Variants in FBXL13 observed in about 807,000 individuals in gnomAD.
The protein encoded by FBXL13 is F-box and leucine-rich repeat protein 13.
A neutral mutation model predicts 83.6 loss-of-function variants in FBXL13; 67 were observed. That is an observed-to-expected ratio of 0.80 (90% CI 0.66 to 0.98). The LOEUF is 0.98. Among genes scored for constraint, FBXL13 ranks in the 50% least tolerant of loss-of-function variants. FBXL13 has a pLI of 0.00. For missense variants in FBXL13, 822 were observed against 866.5 expected (o/e 0.95, Z 0.64); for synonymous variants, 272 against 299.5 (o/e 0.91, Z 0.95).
At chr7:102,838,289 G>C (rs1226331570) in intron 17 of FBXL13, among the ~76,000 whole-genome samples, 1 of 152,166 alleles carries the variant, frequency 6.6e-6, no homozygotes, top group Non-Finnish European at 1.5e-5. Flanking sequence ...CTACTTCATA[G>C]AGTTGTTGGG....
intron 18 of FBXL13, among the ~76,000 whole-genome samples, chr7:102,829,039 C>T (rs1173373321): frequency 1.3e-5 from 2 of 152,190 alleles, no homozygotes; most frequent in African/African-American, 4.8e-5. Context: ...AGGCTCTGTT[C>T]CAGTTCCCCC....
At position 103,005,594 on chromosome 7, in the gene FBXL13, T is replaced by C. The variant is rs556828039; in HGVS notation, c.495+19469A>G. Among the ~76,000 whole-genome samples, 5 of 152,326 alleles carry C rather than the reference T, an allele frequency of 3.3e-5. 1 individual carries two copies. The highest frequency in any genetic ancestry group is 1.2e-4 in the African/African-American group (5 of 41,584). On this transcript the variant is annotated intron_variant, in intron 6 of 19. Transcript: ENST00000313221. The stretch of plus-strand genomic sequence containing the variant: ...AATTCCTTTCTTGCTGTGGGCCCTC[T>C]TCCTGATTTGCAGAAAGCCACCTTC...
chr7:102,869,196 AT>A (rs1189299739), intron 16 of FBXL13, among the ~76,000 whole-genome samples: 1 of 152,192 alleles, frequency 6.6e-6, no homozygotes, highest in African/African-American at 2.4e-5. Flanking sequence ...GCAATAGCTC[AT>A]TGCAGTTTTG....
intron 11 of FBXL13, among the ~76,000 whole-genome samples, chr7:102,910,472 G>A (rs1814478860): frequency 6.6e-6 from 1 of 151,726 alleles, no homozygotes; most frequent in South Asian, 2.1e-4. Flanking sequence ...CTCTCAGCCT[G>A]GTGTGTGCTT....
At chr7:102,861,533 G>A (rs192713988) in intron 16 of FBXL13, among the ~76,000 whole-genome samples, 91 of 152,192 alleles carry the variant, frequency 6.0e-4, no homozygotes, top group African/African-American at 1.7e-3. Flanking sequence ...GACTACCATA[G>A]ATCTCTTTAT....
intron 8 of FBXL13, among the ~76,000 whole-genome samples, chr7:102,932,315 C>T (rs1386723178): frequency 6.6e-6 from 1 of 152,136 alleles, no homozygotes; most frequent in African/African-American, 2.4e-5. Context: ...CAAACATACA[C>T]AAAAGTGGAA....
At position 102,889,971 on chromosome 7, in the gene FBXL13, A is replaced by G. The variant is rs557604408; in HGVS notation, c.1009-5659T>C. On this transcript the variant is annotated intron_variant, in intron 11 of 19. Transcript: ENST00000313221. Reference sequence around the variant, plus strand: ...ACAACACAGCCCAAAACTTGATGCTATCAACCAATAAGATTAGTATCCAGA... The same window carrying G: ...ACAACACAGCCCAAAACTTGATGCTGTCAACCAATAAGATTAGTATCCAGA... Among the ~76,000 whole-genome samples, 5 of 151,776 alleles carry G rather than the reference A, an allele frequency of 3.3e-5. 2 individuals are homozygous for G. In the South Asian group the frequency reaches 1.0e-3, roughly 32 times the overall value.
chr7:102,907,159 G>A lies in FBXL13; in HGVS notation c.1008+5927C>T, dbSNP rs533127374. Reference sequence around the variant, plus strand: ...GGCTAATTTTTATATTTTTAGTAAAGACAGGGTTTCACCATGTTGGCCAGG... The same window carrying A: ...GGCTAATTTTTATATTTTTAGTAAAAACAGGGTTTCACCATGTTGGCCAGG... On this transcript the variant is annotated intron_variant, in intron 11 of 19. Transcript: ENST00000313221. 1.8e-4 allele frequency among the ~76,000 whole-genome samples: 27 copies of A among 152,118 alleles called. 1 individual carries two copies. In the East Asian group the frequency reaches 5.0e-3, roughly 28 times the overall value.
intron 10 of FBXL13, among the ~76,000 whole-genome samples, chr7:102,919,445 C>T (rs1423600007): frequency 6.6e-6 from 1 of 152,090 alleles, no homozygotes; most frequent in African/African-American, 2.4e-5. Context: ...AATGCCTTCC[C>T]TAGCTGAGAA....
chr7:102,814,736 T>A (rs1198011077), intron 19 of FBXL13, among the ~76,000 whole-genome samples: 1 of 152,248 alleles, frequency 6.6e-6, no homozygotes, highest in Non-Finnish European at 1.5e-5. Context: ...AACAAGTTTA[T>A]TCTCTTCAGA....
chr7:103,028,464 T>C, intron 4 of FBXL13, 136 bp downstream of exon 5: 1 of 535,308 alleles, frequency 1.9e-6, no homozygotes, highest in Admixed American at 4.2e-5. Context: ...TTAGCAGCTC[T>C]ACCTTCATTT....
At chr7:102,939,427 C>T in intron 8 of FBXL13, 2 of 1,600,722 alleles carry the variant, frequency 1.2e-6, no homozygotes, top group Non-Finnish European at 1.7e-6. Context: ...TTAAATTTTC[C>T]AGAGTTGAAA....
chr7:102,836,463 C>T (rs1362573709), intron 17 of FBXL13, among the ~76,000 whole-genome samples: 5 of 152,202 alleles, frequency 3.3e-5, no homozygotes, highest in Non-Finnish European at 7.3e-5. Flanking sequence ...TTACAATATA[C>T]ACTTCTGGCT....
intron 18 of FBXL13, among the ~76,000 whole-genome samples, chr7:102,824,517 G>A (rs1799277158): frequency 1.3e-5 from 2 of 148,768 alleles, no homozygotes; most frequent in South Asian, 4.3e-4. Flanking sequence ...TTTTTATTTT[G>A]CTCTGTTGCA....
intron 11 of FBXL13, among the ~76,000 whole-genome samples, chr7:102,895,956 T>C (rs1183601899): frequency 6.6e-6 from 1 of 152,222 alleles, no homozygotes; most frequent in Non-Finnish European, 1.5e-5. Context: ...CATGGGAATA[T>C]TTAAGGAAAG....
At chr7:102,837,037 G>A (rs1802109959) in intron 17 of FBXL13, among the ~76,000 whole-genome samples, 1 of 152,184 alleles carries the variant, frequency 6.6e-6, no homozygotes. Flanking sequence ...CTGCCCCAAA[G>A]GCTAAAATGC....
chr7:102,899,009 G>A (rs112803814), intron 11 of FBXL13, among the ~76,000 whole-genome samples: 6 of 152,004 alleles, frequency 3.9e-5, no homozygotes, highest in South Asian at 2.1e-4. Flanking sequence ...CTCCATCTTC[G>A]GGTTCAAGCG....
chr7:102,813,368 A>G (rs1205827008), exon 20 of FBXL13: 2 of 1,613,690 alleles, frequency 1.2e-6, no homozygotes, highest in African/African-American at 1.3e-5. Flanking sequence ...TCACTGCTGT[A>G]TGTTGACTTT....
chr7:102,886,373 C>T (rs1810794590), intron 11 of FBXL13, among the ~76,000 whole-genome samples: 1 of 152,130 alleles, frequency 6.6e-6, no homozygotes, highest in Non-Finnish European at 1.5e-5. Context: ...ATTTGCGCCA[C>T]CTCTCACTAA....
Sources: allele counts gnomAD v4.1 joint callset (sites outside exome capture counted in the v4.1 genomes callset), GRCh38; gene constraint gnomAD v4.1.1; transcripts MANE v1.5; gene names NCBI Gene and HGNC (gene_info 2026-07-23, HGNC 2026-07-21).